The following TRIQK variants were observed in gnomAD, a reference collection of about 807,000 sequenced individuals.
TRIQK encodes triple QxxK/R motif-containing protein.
In TRIQK, 10 loss-of-function variants were observed where a neutral mutation model predicts 10.8. The observed-to-expected ratio is 0.92, with a 90% CI of 0.57 to 1.57. The LOEUF is 1.57. Ranked by LOEUF, TRIQK falls within the 40% of genes most tolerant of loss-of-function variation. The pLI, the probability that TRIQK is intolerant of heterozygous loss-of-function variation, is 0.00. For synonymous variants in TRIQK, 33 were observed against 33.7 expected, an observed-to-expected ratio of 0.98 and a Z score of 0.07; for missense variants, 107 against 97.7, an observed-to-expected ratio of 1.09 and a Z score of -0.40.
intron 1 of TRIQK, among the ~76,000 whole-genome samples, chr8:93,011,375 CA>C (rs1330324981): frequency 1.3e-5 from 2 of 152,016 alleles, no homozygotes; most frequent in East Asian, 3.9e-4. Context: ...TTGTTTACAA[CA>C]ATATTTACTT....
rs973783894 is a variant in TRIQK at position 92,917,006 on chromosome 8, G to A, written c.-17C>T. The A allele has an allele frequency of 1.3e-6, 2 of 1,486,376 alleles. No homozygotes were observed. Among genetic ancestry groups the A allele is most frequent in the African/African-American group, 1.4e-5 (1 of 70,346 alleles). 92.1% of individuals were successfully genotyped at this position (1,486,376 alleles called of 1,614,324 possible). On this transcript the variant is annotated 5_prime_UTR_variant, in exon 3 of 5. Coordinates refer to ENST00000521988, the MANE Select transcript of TRIQK (RefSeq NM_001171797.2). ...TCTACCCATCTTTGATCTCCAAAAT[G>A]CCTGCTGAAAAGAAAACAATTATAA...
intron 1 of TRIQK, among the ~76,000 whole-genome samples, chr8:93,002,983 C>A (rs975326276): frequency 6.6e-6 from 1 of 151,626 alleles, no homozygotes; most frequent in Admixed American, 6.6e-5. Flanking sequence ...TTCTACAAGG[C>A]CAGCATTACC....
intron 2 of TRIQK, chr8:92,928,054 G>C (rs1416223002): frequency 6.6e-6 from 1 of 152,132 alleles, no homozygotes; most frequent in Non-Finnish European, 1.5e-5. Flanking sequence ...AAGCGTTTGG[G>C]ATTAACTGGG....
chr8:92,959,140 T>C (rs1230580691), intron 1 of TRIQK, among the ~76,000 whole-genome samples: 1 of 152,112 alleles, frequency 6.6e-6, no homozygotes, highest in Non-Finnish European at 1.5e-5. Context: ...ATTATCCTTT[T>C]GATTTTTTTC....
intron 2 of TRIQK, among the ~76,000 whole-genome samples, chr8:92,947,587 GAAAAAA>G (rs35808197): frequency 6.5e-5 from 4 of 61,426 alleles, no homozygotes; most frequent in African/African-American, 1.9e-4. Flanking sequence ...TCCGCCTCAG[GAAAAAA>G]AAAAAAAAAA....
At chr8:92,997,772 A>G (rs1234870664) in intron 1 of TRIQK, among the ~76,000 whole-genome samples, 2 of 152,058 alleles carry the variant, frequency 1.3e-5, no homozygotes, top group East Asian at 1.9e-4. Flanking sequence ...GAACAAATGA[A>G]TGAGCCAGGG....
intron 1 of TRIQK, among the ~76,000 whole-genome samples, chr8:92,984,453 G>C (rs369349928): frequency 5.9e-5 from 9 of 152,262 alleles, no homozygotes; most frequent in Admixed American, 5.2e-4. Flanking sequence ...ACAGGGATCT[G>C]AAAAGTGTGA....
intron 3 of TRIQK, among the ~76,000 whole-genome samples, chr8:92,902,290 C>G (rs986349290): frequency 6.6e-6 from 1 of 152,104 alleles, no homozygotes; most frequent in African/African-American, 2.4e-5. Flanking sequence ...CTGGCTAGGA[C>G]TAGTCTAAAT....
In TRIQK at chr8:92,886,583, G is replaced by C; in HGVS notation, c.*39C>G. ...AGTTTTGGTCCCAAAAGGTGCTTTCGTAAAGTTATTTCTCTTTCATGCATT... is the reference window on the plus strand; with the variant it reads ...AGTTTTGGTCCCAAAAGGTGCTTTCCTAAAGTTATTTCTCTTTCATGCATT... On this transcript the variant is annotated 3_prime_UTR_variant, in exon 5 of 5. Coordinates refer to ENST00000521988, the MANE Select transcript of TRIQK (RefSeq NM_001171797.2). 1 of 1,333,350 alleles carries C rather than the reference G, an allele frequency of 7.5e-7. No homozygotes were observed. 82.6% of individuals were successfully genotyped at this position (1,333,350 alleles called of 1,614,324 possible). A position where few individuals can be genotyped will look rare whatever the true frequency, so the allele number is the denominator to read the frequency against.
chr8:92,998,385 C>T (rs1273778766), intron 1 of TRIQK, among the ~76,000 whole-genome samples: 2 of 151,828 alleles, frequency 1.3e-5, no homozygotes, highest in Non-Finnish European at 2.9e-5. Context: ...TTAAGAAAGA[C>T]AATTTGGCAG....
rs558568796 is a variant in TRIQK, at chr8:92,983,782, CGA to C, written c.-180-29220_-180-29219del. 1.1e-4 allele frequency among the ~76,000 whole-genome samples: 16 copies of C among 152,028 alleles called. No homozygotes were observed. The East Asian group carries it at 3.1e-3, about 29-fold the overall frequency. ...TTTGATCAGGTGCCAGGATAAGGGGCGAGAGTCCACTGAACTTTTCAATTTCC... is the reference window on the plus strand; with the variant it reads ...TTTGATCAGGTGCCAGGATAAGGGGCGAGTCCACTGAACTTTTCAATTTCC... On this transcript the variant is annotated intron_variant, in intron 1 of 4. Transcript: ENST00000520686.
At chr8:92,989,373 G>C (rs968265923) in intron 1 of TRIQK, among the ~76,000 whole-genome samples, 1 of 152,174 alleles carries the variant, frequency 6.6e-6, no homozygotes, top group Non-Finnish European at 1.5e-5. Context: ...CAGGAGGTGA[G>C]CAATGTGCAA....
chr8:93,002,517 A>G (rs1219706340), intron 1 of TRIQK, among the ~76,000 whole-genome samples: 1 of 152,222 alleles, frequency 6.6e-6, no homozygotes, highest in Admixed American at 6.5e-5. Context: ...AAAAATGAAC[A>G]AAAGCATTGG....
At chr8:93,008,682 G>A (rs922025975) in intron 1 of TRIQK, among the ~76,000 whole-genome samples, 2 of 152,154 alleles carry the variant, frequency 1.3e-5, no homozygotes, top group Non-Finnish European at 1.5e-5. Context: ...ATAAGTCTAT[G>A]CATTGACACC....
chr8:92,892,362 A>C (rs1816811043), intron 3 of TRIQK, among the ~76,000 whole-genome samples: 1 of 151,980 alleles, frequency 6.6e-6, no homozygotes, highest in Admixed American at 6.6e-5. Context: ...AAAGAAAATA[A>C]AACTTTTGGA....
chr8:92,887,273 A>G (rs1003263703), intron 4 of TRIQK, among the ~76,000 whole-genome samples: 1 of 151,426 alleles, frequency 6.6e-6, no homozygotes, highest in African/African-American at 2.4e-5. Context: ...TTGAAACTCT[A>G]ATTTTTAAAT....
intron 3 of TRIQK, among the ~76,000 whole-genome samples, chr8:92,892,710 T>G (rs73313293): frequency 6.6e-6 from 1 of 151,884 alleles, no homozygotes; most frequent in Admixed American, 6.6e-5. Flanking sequence ...TTTCAATAAT[T>G]TCTTCCACAT....
At chr8:92,895,960 G>A (rs1808570993) in intron 3 of TRIQK, among the ~76,000 whole-genome samples, 2 of 152,138 alleles carry the variant, frequency 1.3e-5, no homozygotes, top group Admixed American at 1.3e-4. Context: ...TACTAAAGGT[G>A]TGACCAAGCA....
At chr8:92,952,886 T>C (rs1307086851) in intron 2 of TRIQK, among the ~76,000 whole-genome samples, 3 of 152,048 alleles carry the variant, frequency 2.0e-5, no homozygotes, top group African/African-American at 7.2e-5. Flanking sequence ...TTCCCACTGC[T>C]GCAGTGATCA....
Sources: allele counts gnomAD v4.1 joint callset (sites outside exome capture counted in the v4.1 genomes callset), GRCh38; gene constraint gnomAD v4.1.1; transcripts MANE v1.5; gene names NCBI Gene and HGNC (gene_info 2026-07-23, HGNC 2026-07-21).